SMU1: variants seen among roughly 807,000 people sequenced by gnomAD.
The protein encoded by SMU1 is SMU1 DNA replication regulator and spliceosomal factor, also known as WD40 repeat-containing protein SMU1.
SMU1 carries 2 observed loss-of-function variants against 62.0 expected under a neutral mutation model. The ratio of observed to expected loss-of-function variants is 0.03; its 90% CI spans 0.01 to 0.10. The LOEUF (loss-of-function observed/expected upper bound fraction) is 0.10, where lower values mean the gene tolerates loss of function less well. SMU1 is among the 10% of genes least tolerant of loss of function. The probability of loss-of-function intolerance (pLI) is 1.00; values close to 1 mark genes in which losing one functional copy is unlikely to be tolerated. For missense variants in SMU1, 227 were observed against 622.1 expected (o/e 0.36, Z 6.76); for synonymous variants, 188 against 212.4 (o/e 0.89, Z 1.00).
chr9:33,060,587 G>A lies in SMU1; in HGVS notation c.631-3C>T, dbSNP rs774988653. The A allele has an allele frequency of 1.2e-6, 2 of 1,605,628 alleles. No individual in the cohort carries two copies. The highest frequency in any genetic ancestry group is 2.3e-5 in the South Asian group (2 of 88,872). Reference sequence around the variant, plus strand: ...TCCACATGTGATTTCTGACCAAACTGTTTCAAATGAAACAATGAAACAGAT... The same window carrying A: ...TCCACATGTGATTTCTGACCAAACTATTTCAAATGAAACAATGAAACAGAT... On this transcript the variant is annotated splice_polypyrimidine_tract_variant and splice_region_variant and intron_variant, in intron 5 of 11. Coordinates refer to ENST00000397149, the MANE Select transcript of SMU1 (RefSeq NM_018225.3).
In SMU1 at chr9:33,056,312, A is replaced by T. The variant is rs1367973059; in HGVS notation, c.996-73T>A. On this transcript the variant is annotated intron_variant, in intron 8 of 11. Coordinates refer to ENST00000397149, the MANE Select transcript of SMU1 (RefSeq NM_018225.3). ...ATGGTTGTGACCAACGATTGAATGCATTTTAGATAAATTACAGAAGCTCAT... is the reference window on the plus strand; with the variant it reads ...ATGGTTGTGACCAACGATTGAATGCTTTTTAGATAAATTACAGAAGCTCAT... 1.1e-5 allele frequency: 15 copies of T among 1,412,894 alleles called. No individual in the cohort carries two copies. The East Asian group carries it at 3.7e-4, about 35-fold the overall frequency. The allele number at this position is 1,412,894 out of a possible 1,614,324, so 87.5% of individuals were successfully genotyped here.
Position 33,051,121 on chromosome 9 carries a change from AAAAAAAAAAAAAAAT to A in SMU1, c.1290+1987_1290+2001del, listed in dbSNP as rs1170942484. Among the ~76,000 whole-genome samples, 182 of 65,460 alleles carry A rather than the reference AAAAAAAAAAAAAAAT, an allele frequency of 2.8e-3. 6 individuals carry two copies. Among genetic ancestry groups the A allele is most frequent in the Non-Finnish European group, 5.2e-3 (141 of 27,244 alleles). 42.9% of individuals were successfully genotyped at this position (65,460 alleles called of 152,430 possible). A position where few individuals can be genotyped will look rare whatever the true frequency, so the allele number is the denominator to read the frequency against. On this transcript the variant is annotated intron_variant, in intron 10 of 11. Transcript: ENST00000397149. ...GGGCGACAGAGCGAGACTCTGTCTC[AAAAAAAAAAAAAAAT>A]AAAAATAAAAATAAAAAATAAGCTA...
At chr9:33,052,413 T>G (rs1213958993) in intron 10 of SMU1, among the ~76,000 whole-genome samples, 2 of 152,204 alleles carry the variant, frequency 1.3e-5, no homozygotes, top group East Asian at 1.9e-4. Context: ...GTAGCTATTA[T>G]GCAGTGGCCC....
rs1435539816 is a variant in SMU1, at chr9:33,051,139, AAAT to A, written c.1290+1981_1290+1983del. On this transcript the variant is annotated intron_variant, in intron 10 of 11. Coordinates refer to ENST00000397149, the MANE Select transcript of SMU1 (RefSeq NM_018225.3). ...CTGTCTCAAAAAAAAAAAAAAATAAAAATAAAAATAAAAAATAAGCTATCAAAC... is the reference window on the plus strand; with the variant it reads ...CTGTCTCAAAAAAAAAAAAAAATAAAAAAAATAAAAAATAAGCTATCAAAC... Among the ~76,000 whole-genome samples, 1,235 of 135,756 alleles carry A rather than the reference AAAT, an allele frequency of 9.1e-3. 232 individuals are homozygous for A. The highest frequency in any genetic ancestry group is 0.032 in the African/African-American group (1,185 of 37,438). The allele number at this position is 135,756 out of a possible 152,430, so 89.1% of individuals were successfully genotyped here.
At chr9:33,069,814 T>C (rs1055841786) in intron 3 of SMU1, among the ~76,000 whole-genome samples, 4 of 149,830 alleles carry the variant, frequency 2.7e-5, no homozygotes, top group Non-Finnish European at 5.9e-5. Flanking sequence ...GAAAAATAAA[T>C]AAACAAATAA....
chr9:33,061,986 G>C (rs1210922210), intron 5 of SMU1, 63 bp downstream of exon 5: 2 of 1,564,490 alleles, frequency 1.3e-6, no homozygotes, highest in Non-Finnish European at 1.7e-6. Flanking sequence ...ACAGGGCCTG[G>C]CTGAGCCCAT....
chr9:33,057,828 T>C lies in SMU1; in HGVS notation c.751-114A>G, dbSNP rs1051452437. The C allele has an allele frequency of 5.9e-6, 8 of 1,349,066 alleles. No homozygotes were observed. In the Admixed American group the frequency reaches 1.0e-4, roughly 17 times the overall value. The allele number at this position is 1,349,066 out of a possible 1,614,324, so 83.6% of individuals were successfully genotyped here. ...TTGTACCTACTCTAAACCCCCAAAG[T>C]AAACAGAAGTGCCGTGCATACACGT... On this transcript the variant is annotated intron_variant, in intron 6 of 11. Transcript: ENST00000397149.
intron 6 of SMU1, among the ~76,000 whole-genome samples, chr9:33,058,560 A>G (rs1434230260): frequency 6.6e-6 from 1 of 152,154 alleles, no homozygotes; most frequent in Non-Finnish European, 1.5e-5. Context: ...CAAGTGACCT[A>G]TCAACTTCAG....
rs988442110 is a variant in SMU1 at position 33,043,346 on chromosome 9, T to C, written c.*3947A>G. ...TTTGGTTATCTCAGCATGAAACTTC[T>C]GAGACTGACAGCAAGAATTAAAACA... On this transcript the variant is annotated 3_prime_UTR_variant, in exon 12 of 12. Coordinates refer to ENST00000397149, the MANE Select transcript of SMU1 (RefSeq NM_018225.3). 7 of 152,378 alleles carry C rather than the reference T, an allele frequency of 4.6e-5. No homozygotes were observed. In the East Asian group the frequency reaches 1.3e-3, roughly 29 times the overall value. 9.4% of individuals were successfully genotyped at this position (152,378 alleles called of 1,614,324 possible).
intron 11 of SMU1, 83 bp from the exon 12 acceptor site, chr9:33,047,474 G>T: frequency 9.0e-7 from 1 of 1,105,266 alleles, no homozygotes; most frequent in South Asian, 1.5e-5. Flanking sequence ...GGGTGGAAGG[G>T]AAAAAGAGAT....
intron 1 of SMU1, among the ~76,000 whole-genome samples, chr9:33,076,137 T>G (rs899549066): frequency 1.3e-5 from 2 of 152,248 alleles, no homozygotes; most frequent in East Asian, 1.9e-4. Flanking sequence ...GTGACAATAC[T>G]GAGTGATAAA....
chr9:33,067,498 T>C (rs10971381), intron 4 of SMU1, among the ~76,000 whole-genome samples: 10,327 of 138,610 alleles, frequency 0.075, 475 homozygotes, highest in Non-Finnish European at 0.11. Context: ...GCAGCTTACT[T>C]TTTTTTTTTT....
At chr9:33,073,086 A>G (rs1244730457) in intron 2 of SMU1, among the ~76,000 whole-genome samples, 1 of 152,108 alleles carries the variant, frequency 6.6e-6, no homozygotes, top group African/African-American at 2.4e-5. Flanking sequence ...GGTAGGAGCT[A>G]GTTATCAGAA....
At chr9:33,076,358 C>G (rs968966468) in intron 1 of SMU1, among the ~76,000 whole-genome samples, 1 of 152,162 alleles carries the variant, frequency 6.6e-6, no homozygotes, top group African/African-American at 2.4e-5. Flanking sequence ...TGTGTTTTCC[C>G]CACCCGTGCC....
intron 11 of SMU1, among the ~76,000 whole-genome samples, 188 bp from the exon 12 acceptor site, chr9:33,047,579 T>C (rs775238190): frequency 9.9e-5 from 15 of 152,136 alleles, no homozygotes; most frequent in Non-Finnish European, 1.8e-4. Context: ...AACTTTAGGC[T>C]GGGCGCAGTG....
chr9:33,071,048 C>T (rs1182537032), intron 3 of SMU1, among the ~76,000 whole-genome samples: 1 of 152,174 alleles, frequency 6.6e-6, no homozygotes, highest in Non-Finnish European at 1.5e-5. Context: ...AGGATACATG[C>T]TTGAGGTGAT....
At chr9:33,061,217 G>A (rs558134441) in intron 5 of SMU1, among the ~76,000 whole-genome samples, 6 of 152,254 alleles carry the variant, frequency 3.9e-5, no homozygotes, top group South Asian at 2.1e-4. Context: ...ACAAAGAAAA[G>A]CTCTAATGTG....
intron 6 of SMU1, 77 bp from the exon 7 acceptor site, chr9:33,057,791 A>G: frequency 3.2e-6 from 5 of 1,584,954 alleles, no homozygotes; most frequent in Non-Finnish European, 4.3e-6. Context: ...CACAAAAACC[A>G]GGGGCAATGG....
chr9:33,055,336 C>T, intron 9 of SMU1, among the ~76,000 whole-genome samples: 1 of 152,238 alleles, frequency 6.6e-6, no homozygotes, highest in South Asian at 2.1e-4. Flanking sequence ...GCCACCACCC[C>T]TGGCTGTCTG....
Sources: gnomAD v4.1 joint callset for allele counts (sites outside exome capture counted in the v4.1 genomes callset) on GRCh38, gnomAD v4.1.1 for gene constraint, MANE v1.5 for transcripts, NCBI Gene and HGNC (gene_info 2026-07-23, HGNC 2026-07-21) for gene names.